Variants in RUBCN observed in about 807,000 individuals in gnomAD.
RUBCN encodes the protein run domain Beclin-1-interacting and cysteine-rich domain-containing protein.
A neutral mutation model predicts 113.2 loss-of-function variants in RUBCN; 74 were observed. The observed-to-expected ratio is 0.65, with a 90% CI of 0.54 to 0.79. RUBCN has a LOEUF of 0.79. RUBCN is among the 30% of genes least tolerant of loss of function. RUBCN has a pLI of 0.00. For synonymous variants in RUBCN, 480 were observed against 490.0 expected, an observed-to-expected ratio of 0.98 and a Z score of 0.27; for missense variants, 1,109 against 1,251.7, an observed-to-expected ratio of 0.89 and a Z score of 1.72.
chr3:197,688,575 T>C (rs143452221), intron 11 of RUBCN, among the ~76,000 whole-genome samples: 96 of 152,220 alleles, frequency 6.3e-4, no homozygotes, highest in Non-Finnish European at 1.1e-3. Context: ...ATGCACAAGA[T>C]GAAAATTCAA....
rs144092289 is a variant in RUBCN, at chr3:197,678,545, C to T, written c.2431-1004G>A. Reference sequence around the variant, plus strand: ...TAACAACTGGCTTCAGACTGTCCTACGCTCTGACTGACAACTGGCTTCAGA... The same window carrying T: ...TAACAACTGGCTTCAGACTGTCCTATGCTCTGACTGACAACTGGCTTCAGA... On this transcript the variant is annotated intron_variant, in intron 16 of 19. Transcript: ENST00000296343. 9.6e-4 allele frequency among the ~76,000 whole-genome samples: 145 copies of T among 150,838 alleles called. No homozygotes were observed. The East Asian group carries it at 0.026, about 27-fold the overall frequency.
At chr3:197,682,402 G>A in intron 14 of RUBCN, 68 bp downstream of exon 14, 1 of 1,589,168 alleles carries the variant, frequency 6.3e-7, no homozygotes, top group African/African-American at 1.3e-5. Flanking sequence ...AAGTGGGTGA[G>A]ACGAAAACCC....
At position 197,701,696 on chromosome 3, in the gene RUBCN, C is replaced by T. The variant is rs1723693119; in HGVS notation, c.727+12G>A. 6.2e-7 allele frequency: 1 copy of T among 1,613,184 alleles called. No individual in the cohort carries two copies. Among genetic ancestry groups the T allele is most frequent in the Non-Finnish European group, 8.5e-7 (1 of 1,179,214 alleles). ...GGATAAATGTAATGACCACTTTTTC[C>T]TGTCCCCATACCTGAGCCATTGTTG... On this transcript the variant is annotated intron_variant, in intron 6 of 19. Coordinates refer to ENST00000296343, the MANE Select transcript of RUBCN (RefSeq NM_014687.4).
chr3:197,724,897 A>T (rs895108950), intron 1 of RUBCN, among the ~76,000 whole-genome samples: 1 of 152,138 alleles, frequency 6.6e-6, no homozygotes, highest in Non-Finnish European at 1.5e-5. Context: ...GAGGATCAGT[A>T]GACTGGGTGT....
upstream of RUBCN, among the ~76,000 whole-genome samples, chr3:197,739,981 A>G (rs1728457444): frequency 6.6e-6 from 1 of 152,118 alleles, no homozygotes; most frequent in Non-Finnish European, 1.5e-5. Flanking sequence ...TAGAGGTTGC[A>G]GTGAGCTGAG....
chr3:197,718,974 A>G (rs777816616), intron 1 of RUBCN, among the ~76,000 whole-genome samples: 3 of 152,220 alleles, frequency 2.0e-5, no homozygotes, highest in Non-Finnish European at 4.4e-5. Context: ...AGGCCAATGG[A>G]CTGCCAACTT....
At chr3:197,743,483 G>A (rs1015561617) in intron 1 of RUBCN, among the ~76,000 whole-genome samples, 1 of 152,194 alleles carries the variant, frequency 6.6e-6, no homozygotes, top group African/African-American at 2.4e-5. Flanking sequence ...TTAAAAGGCA[G>A]AAGACTAGAA....
At chr3:197,701,643 A>C in intron 6 of RUBCN, 65 bp downstream of exon 6, 1 of 1,523,470 alleles carries the variant, frequency 6.6e-7, no homozygotes, top group Non-Finnish European at 9.1e-7. Flanking sequence ...ATGAGCAACC[A>C]CAAAGTCTTC....
Position 197,743,894 on chromosome 3 carries a change from G to C in RUBCN, c.-116+5375C>G, listed in dbSNP as rs1359238149. ...AGCTACTTGGGAGGCTGAGGCAGGA[G>C]AATTGCTTGAACCCGGGAGGCGGAG... On this transcript the variant is annotated intron_variant, in intron 1 of 20. Transcript: ENST00000273582. Among the ~76,000 whole-genome samples the C allele has an allele frequency of 2.6e-5, 4 of 152,100 alleles. No individual in the cohort carries two copies. The East Asian group carries it at 7.7e-4, about 29-fold the overall frequency.
chr3:197,709,969 G>A (rs1483008808), intron 2 of RUBCN, among the ~76,000 whole-genome samples: 7 of 151,584 alleles, frequency 4.6e-5, no homozygotes, highest in Admixed American at 2.6e-4. Flanking sequence ...TCAGGAGTTC[G>A]AGGCCAGCCT....
intron 1 of RUBCN, among the ~76,000 whole-genome samples, chr3:197,733,424 G>A (rs1356977231): frequency 1.3e-5 from 2 of 152,222 alleles, no homozygotes; most frequent in African/African-American, 4.8e-5. Flanking sequence ...TGAGGCTGCA[G>A]TGAGCTACGA....
At chr3:197,698,698 T>C (rs1723276353) in intron 7 of RUBCN, among the ~76,000 whole-genome samples, 2 of 151,784 alleles carry the variant, frequency 1.3e-5, no homozygotes, top group South Asian at 2.1e-4. Flanking sequence ...TATTCAGTTA[T>C]AAGAAAAATT....
intron 5 of RUBCN, 88 bp downstream of exon 5, chr3:197,703,460 C>A: frequency 4.8e-6 from 2 of 419,666 alleles, no homozygotes; most frequent in Non-Finnish European, 4.5e-6. Flanking sequence ...ACAAAAATGG[C>A]TAAGTGAAAA....
intron 1 of RUBCN, among the ~76,000 whole-genome samples, chr3:197,720,244 T>C (rs745726577): frequency 1.5e-4 from 23 of 152,190 alleles, no homozygotes; most frequent in Non-Finnish European, 7.3e-5. Flanking sequence ...ACTTTTTAGA[T>C]TACCGAGTAA....
chr3:197,738,518 T>C (rs1728350810), upstream of RUBCN, among the ~76,000 whole-genome samples: 1 of 152,238 alleles, frequency 6.6e-6, no homozygotes, highest in South Asian at 2.1e-4. Flanking sequence ...TTTCTCATTT[T>C]CCTACTAAAC....
intron 1 of RUBCN, among the ~76,000 whole-genome samples, chr3:197,724,811 G>A (rs1207197520): frequency 6.6e-6 from 1 of 152,200 alleles, no homozygotes; most frequent in Non-Finnish European, 1.5e-5. Flanking sequence ...GTTAATAGTG[G>A]TTACCTTTAG....
At chr3:197,725,404 T>C (rs887269064) in intron 1 of RUBCN, among the ~76,000 whole-genome samples, 12 of 151,610 alleles carry the variant, frequency 7.9e-5, no homozygotes, top group Non-Finnish European at 4.4e-5. Flanking sequence ...TTTAAATAAA[T>C]AACATGCTTA....
intron 11 of RUBCN, among the ~76,000 whole-genome samples, chr3:197,689,112 A>G (rs1355267635): frequency 6.6e-6 from 1 of 150,762 alleles, no homozygotes; most frequent in Non-Finnish European, 1.5e-5. Flanking sequence ...TGTAGCCTCA[A>G]CCTCCCCAGA....
chr3:197,721,431 G>T (rs1232690246), intron 1 of RUBCN, among the ~76,000 whole-genome samples: 5 of 152,122 alleles, frequency 3.3e-5, no homozygotes, highest in African/African-American at 1.2e-4. Context: ...ATTCTTCATA[G>T]TTCTGTGCTG....
Sources: gnomAD v4.1 joint callset for allele counts (sites outside exome capture counted in the v4.1 genomes callset) on GRCh38, gnomAD v4.1.1 for gene constraint, MANE v1.5 for transcripts, NCBI Gene and HGNC (gene_info 2026-07-23, HGNC 2026-07-21) for gene names.